The following CCDC178 variants were observed in gnomAD, a reference collection of about 807,000 sequenced individuals.
The protein encoded by CCDC178 is coiled-coil domain-containing protein 178.
Under a neutral mutation model 117.4 loss-of-function variants are expected in CCDC178, and 126 were observed. The ratio of observed to expected loss-of-function variants is 1.07; its 90% confidence interval spans 0.93 to 1.24. The LOEUF is 1.24. Among genes scored for constraint, CCDC178 ranks in the 50% most tolerant of loss-of-function variants. The pLI is 0.00. For synonymous variants in CCDC178, 283 were observed against 313.4 expected (o/e 0.90, Z 1.02); for missense variants, 1,030 against 986.9 (o/e 1.04, Z -0.59).
At chr18:33,217,530 A>ATT (rs959481142) in intron 18 of CCDC178, among the ~76,000 whole-genome samples, 1 of 150,890 alleles carries the variant, frequency 6.6e-6, no homozygotes, top group Non-Finnish European at 1.5e-5. Flanking sequence ...ATATTTTTAG[A>ATT]TTTTTTTTTA....
chr18:33,154,038 G>C (rs1437694468), intron 20 of CCDC178, among the ~76,000 whole-genome samples: 1 of 151,920 alleles, frequency 6.6e-6, no homozygotes, highest in African/African-American at 2.4e-5. Context: ...TTATGAAACT[G>C]TAATTTCATA....
chr18:33,092,646 G>T, intron 21 of CCDC178, 115 bp downstream of exon 21: 2 of 586,056 alleles, frequency 3.4e-6, no homozygotes, highest in South Asian at 2.7e-5. Flanking sequence ...AGAGAAAATA[G>T]GCCATGTTGT....
chr18:33,177,515 A>T (rs1035094583), intron 20 of CCDC178, among the ~76,000 whole-genome samples: 1 of 152,134 alleles, frequency 6.6e-6, no homozygotes, highest in African/African-American at 2.4e-5. Context: ...TTTGTGAAAC[A>T]TCTCCTTTGC....
intron 20 of CCDC178, among the ~76,000 whole-genome samples, chr18:33,160,798 AATG>A (rs1229439923): frequency 6.6e-6 from 1 of 152,086 alleles, no homozygotes; most frequent in Non-Finnish European, 1.5e-5. Flanking sequence ...TGGAGACTTG[AATG>A]ATATTTTCCA....
intron 14 of CCDC178, among the ~76,000 whole-genome samples, chr18:33,251,212 C>T (rs1405697414): frequency 1.3e-5 from 2 of 151,596 alleles, no homozygotes; most frequent in Non-Finnish European, 3.0e-5. Context: ...CAATATTATG[C>T]AAAGCTCATG....
intron 21 of CCDC178, among the ~76,000 whole-genome samples, chr18:33,059,425 C>A (rs972211270): frequency 6.6e-6 from 1 of 152,110 alleles, no homozygotes; most frequent in Admixed American, 6.5e-5. Flanking sequence ...CTGAAACCTG[C>A]TACTAAACTA....
intron 4 of CCDC178, among the ~76,000 whole-genome samples, chr18:33,396,158 G>A (rs1319823247): frequency 6.6e-6 from 1 of 151,952 alleles, no homozygotes; most frequent in East Asian, 1.9e-4. Flanking sequence ...TAGCCAATTT[G>A]CAAAAGTGGA....
At chr18:33,337,228 T>A (rs557962847) in intron 9 of CCDC178, among the ~76,000 whole-genome samples, 1 of 151,928 alleles carries the variant, frequency 6.6e-6, no homozygotes, top group East Asian at 1.9e-4. Flanking sequence ...TATTGATTTG[T>A]GTACATTAAT....
At chr18:33,295,010 C>T (rs1173215869) in intron 11 of CCDC178, among the ~76,000 whole-genome samples, 2 of 152,062 alleles carry the variant, frequency 1.3e-5, no homozygotes, top group African/African-American at 4.8e-5. Flanking sequence ...TCAGCTAAAT[C>T]AGAATAAATT....
intron 11 of CCDC178, among the ~76,000 whole-genome samples, chr18:33,321,758 A>C (rs1400476311): frequency 6.6e-6 from 1 of 152,014 alleles, no homozygotes; most frequent in Non-Finnish European, 1.5e-5. Flanking sequence ...AAAAGAAAAA[A>C]ATACAACAAA....
intron 20 of CCDC178, among the ~76,000 whole-genome samples, chr18:33,164,799 T>C (rs2058509214): frequency 6.6e-6 from 1 of 152,140 alleles, no homozygotes; most frequent in Non-Finnish European, 1.5e-5. Context: ...TTTCAGATAA[T>C]TGTGGATATT....
chr18:33,364,264 T>TA (rs1568177411), intron 6 of CCDC178, among the ~76,000 whole-genome samples: 1 of 152,100 alleles, frequency 6.6e-6, no homozygotes, highest in African/African-American at 2.4e-5. Context: ...TATATGTACG[T>TA]ATGTGCATGT....
intron 20 of CCDC178, among the ~76,000 whole-genome samples, chr18:33,105,338 A>T (rs1028392349): frequency 6.6e-6 from 1 of 151,552 alleles, no homozygotes; most frequent in Non-Finnish European, 1.5e-5. Flanking sequence ...ACTTCTGTGA[A>T]TTTTTTTGTG....
At chr18:33,278,732 C>A (rs1429949390) in intron 12 of CCDC178, among the ~76,000 whole-genome samples, 2 of 151,870 alleles carry the variant, frequency 1.3e-5, no homozygotes, top group African/African-American at 4.8e-5. Context: ...CTGTGAAGTA[C>A]AAGAAATCTG....
intron 11 of CCDC178, among the ~76,000 whole-genome samples, chr18:33,304,409 A>T (rs1349175234): frequency 2.0e-5 from 3 of 152,206 alleles, no homozygotes; most frequent in Non-Finnish European, 4.4e-5. Context: ...AGCTTGATTC[A>T]TCAGAGCAAG....
chr18:33,226,764 A>C, intron 16 of CCDC178, 29 bp downstream of exon 16: 1 of 1,472,454 alleles, frequency 6.8e-7, no homozygotes. Context: ...TAAAGGAAGA[A>C]TAAAATATTA....
chr18:33,266,395 G>T (rs1343050720), intron 14 of CCDC178, among the ~76,000 whole-genome samples: 2 of 151,592 alleles, frequency 1.3e-5, no homozygotes, highest in Non-Finnish European at 2.9e-5. Flanking sequence ...ATTCACTATG[G>T]GTCTTGGAAC....
chr18:33,044,742 A>G (rs2056612445), intron 21 of CCDC178, among the ~76,000 whole-genome samples: 1 of 152,202 alleles, frequency 6.6e-6, no homozygotes, highest in African/African-American at 2.4e-5. Context: ...TCATAATAGC[A>G]AAGATCTGGA....
intron 21 of CCDC178, among the ~76,000 whole-genome samples, chr18:33,040,557 T>C (rs532883039): frequency 1.5e-3 from 230 of 152,164 alleles, no homozygotes; most frequent in African/African-American, 4.9e-3. Flanking sequence ...GGTCATCTTC[T>C]AGACTTGTCT....
Sources: gnomAD v4.1 joint callset for allele counts (sites outside exome capture counted in the v4.1 genomes callset) on GRCh38, gnomAD v4.1.1 for gene constraint, MANE v1.5 for transcripts, NCBI Gene and HGNC (gene_info 2026-07-23, HGNC 2026-07-21) for gene names.